The following ADGRG6 variants were observed in gnomAD, a reference collection of about 807,000 sequenced individuals.
The protein encoded by ADGRG6 is G-protein coupled receptor 126.
A neutral mutation model predicts 142.4 loss-of-function variants in ADGRG6; 84 were observed. That is an observed-to-expected ratio of 0.59 (90% CI 0.49 to 0.71). The LOEUF (loss-of-function observed/expected upper bound fraction) is 0.71. ADGRG6 is among the 30% of genes least tolerant of loss of function. The pLI, the probability that ADGRG6 is intolerant of heterozygous loss-of-function variation, is 0.00. For missense variants in ADGRG6, 1,367 were observed against 1,466.6 expected (o/e 0.93, Z 1.11); for synonymous variants, 521 against 520.5 (o/e 1.00, Z -0.01).
intron 1 of ADGRG6, among the ~76,000 whole-genome samples, chr6:142,303,569 A>T (rs1488929929): frequency 6.6e-6 from 1 of 152,330 alleles, no homozygotes; most frequent in East Asian, 1.9e-4. Context: ...GGAATCGGCA[A>T]GGTACAACTT....
chr6:142,406,911 A>G (rs1283436967), intron 15 of ADGRG6, among the ~76,000 whole-genome samples: 1 of 152,120 alleles, frequency 6.6e-6, no homozygotes, highest in African/African-American at 2.4e-5. Flanking sequence ...ATGGTACAGA[A>G]ATGGAGTCCA....
rs1781718344 is a variant in ADGRG6 at position 142,380,425 on chromosome 6, T to A, written c.1070-1526T>A. The stretch of plus-strand genomic sequence containing the variant: ...GTGCCCACCACTCAAGGTTCTAGTG[T>A]GTGGGATTAACCACTGGAAGAAAGA... On this transcript the variant is annotated intron_variant, in intron 4 of 24. Coordinates refer to ENST00000367609, the MANE Select transcript of ADGRG6 (RefSeq NM_198569.3). Among the ~76,000 whole-genome samples, 3 of 152,302 alleles carry A rather than the reference T, an allele frequency of 2.0e-5. No homozygotes were observed. In the South Asian group the frequency reaches 6.2e-4, roughly 32 times the overall value.
intron 2 of ADGRG6, among the ~76,000 whole-genome samples, chr6:142,317,710 A>G (rs1214711164): frequency 9.1e-6 from 1 of 109,898 alleles, no homozygotes; most frequent in East Asian, 2.2e-4. Flanking sequence ...AAATATATAT[A>G]TATTTATATT....
Position 142,397,737 on chromosome 6 carries a change from G to C in ADGRG6, c.1549G>C (p.Val517Leu), listed in dbSNP as rs1166751792. The change falls in exon 10 of 25, where the codon GTG becomes CTG. Residue 517 changes from valine (V) to leucine (L), a missense_variant. Physicochemically the swap from Val to Leu is conservative, Grantham distance 32 (BLOSUM62 1). Coordinates refer to ENST00000367609, the MANE Select transcript of ADGRG6 (RefSeq NM_198569.3). The part of the protein sequence containing the change: ...SLDEGLRLHT[V>L]NVRQLGHCLA... ...GGATGAAGGCTTGAGGCTACATACA[G>C]TGAATGTGAGACAACTGGGTAAGTG... The C allele has an allele frequency of 6.3e-7, 1 of 1,579,244 alleles. No individual in the cohort carries two copies. The highest frequency in any genetic ancestry group is 1.4e-5 in the African/African-American group (1 of 72,652).
chr6:142,302,163 C>T lies in ADGRG6; in HGVS notation c.-167C>T, dbSNP rs1777251074. The T allele has an allele frequency of 8.9e-6, 6 of 673,820 alleles. No individual in the cohort carries two copies. The highest frequency in any genetic ancestry group is 2.2e-5 in the South Asian group (1 of 46,336). 41.7% of individuals were successfully genotyped at this position (673,820 alleles called of 1,614,324 possible). A position where few individuals can be genotyped will look rare whatever the true frequency, so the allele number is the denominator to read the frequency against. The stretch of plus-strand genomic sequence containing the variant: ...GCCGCGCCCAGGGTTCACCTTGCGC[C>T]GTCGGGAAAGCCCATGAACTCTCCA... On this transcript the variant is annotated 5_prime_UTR_variant, in exon 1 of 25. Coordinates refer to ENST00000367609, the MANE Select transcript of ADGRG6 (RefSeq NM_198569.3).
At chr6:142,367,098 T>C (rs1780977038) in intron 2 of ADGRG6, among the ~76,000 whole-genome samples, 1 of 152,224 alleles carries the variant, frequency 6.6e-6, no homozygotes, top group South Asian at 2.1e-4. Context: ...TTTCTCTTCC[T>C]TTATATCTAT....
At chr6:142,402,496 A>C (rs1220854811) in intron 12 of ADGRG6, 124 bp from the exon 13 acceptor site, 2 of 615,516 alleles carry the variant, frequency 3.2e-6, no homozygotes, top group African/African-American at 1.9e-5. Context: ...TGAGGTATAC[A>C]CAGGAAAATC....
At chr6:142,399,351 T>C (rs1311862979) in intron 10 of ADGRG6, among the ~76,000 whole-genome samples, 1 of 152,146 alleles carries the variant, frequency 6.6e-6, no homozygotes, top group African/African-American at 2.4e-5. Context: ...ATGCAAATAA[T>C]AATACTAATC....
intron 1 of ADGRG6, among the ~76,000 whole-genome samples, chr6:142,305,630 GA>G (rs1777459814): frequency 1.3e-5 from 2 of 152,098 alleles, no homozygotes; most frequent in Admixed American, 1.3e-4. Context: ...GTAGCATTTG[GA>G]AAACCTGTAG....
chr6:142,395,673 G>C (rs1775149363), intron 9 of ADGRG6, among the ~76,000 whole-genome samples: 2 of 151,924 alleles, frequency 1.3e-5, no homozygotes, highest in Admixed American at 1.3e-4. Context: ...CATATTTAGG[G>C]GCTTTTTGGT....
At chr6:142,437,800 C>T (rs920214775) in intron 23 of ADGRG6, among the ~76,000 whole-genome samples, 2 of 151,340 alleles carry the variant, frequency 1.3e-5, no homozygotes, top group South Asian at 2.1e-4. Context: ...TTTAATAACC[C>T]GTATACCCAG....
intron 2 of ADGRG6, among the ~76,000 whole-genome samples, chr6:142,318,030 T>C (rs1259245486): frequency 4.5e-5 from 2 of 44,860 alleles, no homozygotes; most frequent in Non-Finnish European, 7.2e-5. Flanking sequence ...ATATATTATA[T>C]ATAATATATA....
intron 20 of ADGRG6, 21 bp downstream of exon 20, chr6:142,416,085 T>C (rs1285257231): frequency 2.5e-6 from 4 of 1,576,482 alleles, no homozygotes; most frequent in Admixed American, 1.8e-5. Context: ...TAAAATTTTT[T>C]TGGTTTTGTT....
intron 18 of ADGRG6, among the ~76,000 whole-genome samples, 168 bp downstream of exon 18, chr6:142,411,579 A>T (rs1418369504): frequency 2.0e-5 from 3 of 152,208 alleles, no homozygotes; most frequent in Admixed American, 6.6e-5. Flanking sequence ...CAAAGATCAC[A>T]TATTAAAAAT....
intron 4 of ADGRG6, among the ~76,000 whole-genome samples, chr6:142,381,253 T>C (rs527395384): frequency 1.3e-5 from 2 of 152,262 alleles, no homozygotes; most frequent in South Asian, 2.1e-4. Context: ...TGTATATATA[T>C]GTGTATACAC....
intron 4 of ADGRG6, among the ~76,000 whole-genome samples, chr6:142,371,996 T>G (rs1383303845): frequency 6.6e-6 from 1 of 152,230 alleles, no homozygotes; most frequent in African/African-American, 2.4e-5. Flanking sequence ...CTCCATTTTT[T>G]TTAAAATGAG....
intron 1 of ADGRG6, among the ~76,000 whole-genome samples, chr6:142,305,812 AT>A (rs910200644): frequency 3.9e-5 from 6 of 152,154 alleles, no homozygotes; most frequent in African/African-American, 1.4e-4. Flanking sequence ...AAAGTTTAAG[AT>A]TTGTGCAGGG....
At chr6:142,402,943 A>G (rs542596573) in intron 13 of ADGRG6, 113 bp downstream of exon 13, 1 of 580,214 alleles carries the variant, frequency 1.7e-6, no homozygotes, top group Non-Finnish European at 3.0e-6. Context: ...TCTCTGCAAG[A>G]TGTATTGATA....
At chr6:142,352,998 C>T (rs1780263570) in intron 2 of ADGRG6, among the ~76,000 whole-genome samples, 1 of 152,182 alleles carries the variant, frequency 6.6e-6, no homozygotes, top group African/African-American at 2.4e-5. Flanking sequence ...AAACCCAAGC[C>T]TTTCCCTATG....
Sources: allele counts gnomAD v4.1 joint callset (sites outside exome capture counted in the v4.1 genomes callset), GRCh38; gene constraint gnomAD v4.1.1; transcripts MANE v1.5; gene names NCBI Gene and HGNC (gene_info 2026-07-23, HGNC 2026-07-21).